PRPF6: variants seen among roughly 807,000 people sequenced by gnomAD.
PRPF6 encodes pre-mRNA processing factor 6.
PRPF6 carries 42 observed loss-of-function variants against 118.3 expected under a neutral mutation model. The ratio of observed to expected loss-of-function variants is 0.35; its 90% CI spans 0.28 to 0.46. PRPF6 has a LOEUF of 0.46. Ranked by LOEUF, PRPF6 falls within the 20% of genes least tolerant of loss-of-function variation. PRPF6 has a pLI of 1.00. For synonymous variants in PRPF6, 481 were observed against 485.1 expected, an observed-to-expected ratio of 0.99 and a Z score of 0.11; for missense variants, 662 against 1,255.7, an observed-to-expected ratio of 0.53 and a Z score of 7.15.
intron 6 of PRPF6, among the ~76,000 whole-genome samples, chr20:63,997,834 CAA>C (rs2059147916): frequency 6.6e-6 from 1 of 152,038 alleles, no homozygotes; most frequent in African/African-American, 2.4e-5. Flanking sequence ...CTCGGCCTCC[CAA>C]AGTGCTGGGA....
At chr20:64,019,557 G>C (rs926523661) in intron 12 of PRPF6, among the ~76,000 whole-genome samples, 11 of 152,210 alleles carry the variant, frequency 7.2e-5, no homozygotes, top group Non-Finnish European at 1.5e-4. Flanking sequence ...AGCATCACTT[G>C]ATCCTGTGGG....
chr20:64,022,740 G>A lies in PRPF6; in HGVS notation c.1648-17G>A. 14 of 1,613,962 alleles carry A rather than the reference G, an allele frequency of 8.7e-6. No individual in the cohort carries two copies. The highest frequency in any genetic ancestry group is 8.5e-6 in the Non-Finnish European group (10 of 1,179,986). Reference sequence around the variant, plus strand: ...CCAGTGCTGGGCTGCCCATTCTCATGTCTCTCTCTGCTCTAGTGTGTAGCC... The same window carrying A: ...CCAGTGCTGGGCTGCCCATTCTCATATCTCTCTCTGCTCTAGTGTGTAGCC... On this transcript the variant is annotated splice_polypyrimidine_tract_variant and intron_variant, in intron 12 of 20. Coordinates refer to ENST00000266079, the MANE Select transcript of PRPF6 (RefSeq NM_012469.4).
intron 6 of PRPF6, 49 bp downstream of exon 6, chr20:63,995,531 ATTTTG>A: frequency 1.2e-6 from 2 of 1,609,928 alleles, no homozygotes; most frequent in Non-Finnish European, 1.7e-6. Context: ...AGACAGTTTA[ATTTTG>A]TTTTGTTTTC....
intron 3 of PRPF6, 118 bp from the exon 4 acceptor site, chr20:63,993,289 T>G (rs1214839977): frequency 1.9e-6 from 1 of 539,138 alleles, no homozygotes; most frequent in African/African-American, 2.0e-5. Context: ...TATATATATT[T>G]GATTTAGCTA....
chr20:63,996,268 G>T (rs1180991784), intron 6 of PRPF6, among the ~76,000 whole-genome samples: 1 of 152,294 alleles, frequency 6.6e-6, no homozygotes. Context: ...GAACCCGGGC[G>T]TTGGAGGTTG....
At position 63,995,067 on chromosome 20, in the gene PRPF6, A is replaced by G; in HGVS notation, c.590A>G (p.His197Arg). ...FAKHLQTGEN[H>R]TSVDPRQTQF... is the part of the protein sequence containing the mutation. ...AAACATTTACAGACCGGAGAGAACC[A>G]TACCTCAGTGGATCCCCGACAAACT... The change falls in exon 5 of 21, where the codon CAT (histidine) becomes CGT (arginine). Residue 197 changes from histidine (H) to arginine (R), a missense_variant. Coordinates refer to ENST00000266079, the MANE Select transcript of PRPF6 (RefSeq NM_012469.4). The G allele has an allele frequency of 1.2e-6, 2 of 1,614,194 alleles. No individual in the cohort carries two copies. The highest frequency in any genetic ancestry group is 1.3e-5 in the African/African-American group (1 of 75,044).
In PRPF6 at chr20:64,011,476, GGAGATCAACCGT is replaced by G; in HGVS notation, c.1501_1512del (p.Ile501_Glu504del). On this transcript the variant is annotated inframe_deletion, in exon 11 of 21. Transcript: ENST00000266079. The surrounding 1 kb of genome is among the most constrained non-coding windows in gnomAD (Gnocchi z 6.7). ...TCACCTCGCTGCGGGCCAACGGTGT[GGAGATCAACCGT>G]GAGCAGTGGATCCAGGTGGGCCGCA... is the stretch of plus-strand genomic sequence containing the variant. 1 of 1,613,658 alleles carries G rather than the reference GGAGATCAACCGT, an allele frequency of 6.2e-7. No homozygotes were observed. Among genetic ancestry groups the G allele is most frequent in the Middle Eastern group, 1.7e-4 (1 of 5,742 alleles).
intron 9 of PRPF6, among the ~76,000 whole-genome samples, chr20:64,004,753 G>A (rs536688636): frequency 2.0e-4 from 30 of 152,294 alleles, no homozygotes; most frequent in African/African-American, 6.7e-4. Context: ...GCCAGGGTGG[G>A]GTGTCCCACG....
rs371144428 is a variant in PRPF6 at position 63,987,452 on chromosome 20, G to A, written c.359+2427G>A. ...ATTGTGCCACTGCACTCCAGCCTGG[G>A]CAACACAATGAGACTGTGTCGCAAA... On this transcript the variant is annotated intron_variant, in intron 3 of 20. Transcript: ENST00000266079. Among the ~76,000 whole-genome samples, 286 of 151,894 alleles carry A rather than the reference G, an allele frequency of 1.9e-3. 5 individuals are homozygous for A. The highest frequency in any genetic ancestry group is 6.6e-3 in the African/African-American group (273 of 41,408).
chr20:63,987,767 C>G (rs992026270), intron 3 of PRPF6, among the ~76,000 whole-genome samples: 1 of 152,096 alleles, frequency 6.6e-6, no homozygotes, highest in African/African-American at 2.4e-5. Flanking sequence ...AGGCTATGCC[C>G]CCAGGTGTGG....
intron 5 of PRPF6, 115 bp downstream of exon 5, chr20:63,995,207 AGTCT>A (rs2059135933): frequency 1.3e-6 from 2 of 1,577,522 alleles, no homozygotes; most frequent in Admixed American, 1.7e-5. Flanking sequence ...GCTGTGGCCG[AGTCT>A]GTCTGCACAG....
Position 64,027,472 on chromosome 20 carries a change from A to AG in PRPF6, c.2206-127dup. 7.7e-7 allele frequency: 1 copy of AG among 1,300,868 alleles called. No individual in the cohort carries two copies. The highest frequency in any genetic ancestry group is 1.1e-6 in the Non-Finnish European group (1 of 899,046). The allele number at this position is 1,300,868 out of a possible 1,614,324, so 80.6% of individuals were successfully genotyped here. Reference sequence around the variant, plus strand: ...TGTACACCCACAAATGCAGAGTGTGAGGGGTGTTTTTCCATGGACATGGCA... The same window carrying AG: ...TGTACACCCACAAATGCAGAGTGTGAGGGGGTGTTTTTCCATGGACATGGCA... On this transcript the variant is annotated intron_variant, in intron 16 of 20. Transcript: ENST00000266079. This position sits in a 1 kb window ranked among gnomAD's most constrained non-coding sequence, Gnocchi z 6.5.
chr20:63,999,831 G>T, intron 8 of PRPF6, 72 bp downstream of exon 8: 1 of 1,556,864 alleles, frequency 6.4e-7, no homozygotes, highest in South Asian at 1.2e-5. Context: ...AAACTTGTTA[G>T]AGCAAATCTC....
intron 9 of PRPF6, among the ~76,000 whole-genome samples, chr20:64,003,762 AT>A (rs925631266): frequency 3.5e-4 from 53 of 151,422 alleles, no homozygotes; most frequent in African/African-American, 1.2e-3. Flanking sequence ...GGCCTGGCTA[AT>A]TTTTTTTTGT....
intron 6 of PRPF6, among the ~76,000 whole-genome samples, chr20:63,996,440 A>G (rs955585762): frequency 1.3e-5 from 2 of 152,204 alleles, no homozygotes; most frequent in Non-Finnish European, 2.9e-5. Context: ...TCAGCCTGCC[A>G]AGTAGCTGAG....
At chr20:63,993,685 G>A (rs2123001825) in intron 4 of PRPF6, among the ~76,000 whole-genome samples, 200 bp downstream of exon 4, 1 of 151,870 alleles carries the variant, frequency 6.6e-6, no homozygotes, top group Non-Finnish European at 1.5e-5. Context: ...ACTGTAAAAG[G>A]TAGGACAAAT....
At chr20:63,987,197 G>T (rs1222345951) in intron 3 of PRPF6, among the ~76,000 whole-genome samples, 7 of 149,674 alleles carry the variant, frequency 4.7e-5, no homozygotes, top group Admixed American at 4.0e-4. Flanking sequence ...AAAGGGGGGG[G>T]GAGCATAACA....
At chr20:63,996,475 C>T (rs1424421623) in intron 6 of PRPF6, among the ~76,000 whole-genome samples, 1 of 152,186 alleles carries the variant, frequency 6.6e-6, no homozygotes, top group Non-Finnish European at 1.5e-5. Context: ...CCACCATACC[C>T]AACTAATTTT....
chr20:63,988,431 AG>A (rs1300170211), intron 3 of PRPF6, among the ~76,000 whole-genome samples: 9 of 152,148 alleles, frequency 5.9e-5, no homozygotes, highest in Non-Finnish European at 1.5e-5. Flanking sequence ...CAGGAGGTCG[AG>A]GTTGCAGTGA....
Sources: gnomAD v4.1 joint callset for allele counts (sites outside exome capture counted in the v4.1 genomes callset) on GRCh38, gnomAD v4.1.1 for gene constraint, Gnocchi (gnomAD v3.1) non-coding constraint, MANE v1.5 for transcripts, NCBI Gene and HGNC (gene_info 2026-07-23, HGNC 2026-07-21) for gene names.